KHDRBS2: variants seen among roughly 807,000 people sequenced by gnomAD.
The protein encoded by KHDRBS2 is KH domain-containing, RNA-binding, signal transduction-associated protein 2.
KHDRBS2 carries 26 observed loss-of-function variants against 44.3 expected under a neutral mutation model. The ratio of observed to expected loss-of-function variants is 0.59; its 90% CI spans 0.43 to 0.81. The LOEUF (loss-of-function observed/expected upper bound fraction) is 0.81. Ranked by LOEUF, KHDRBS2 falls within the 40% of genes least tolerant of loss-of-function variation. The pLI is 0.00. For missense variants in KHDRBS2, 476 were observed against 433.1 expected (o/e 1.10, Z -0.88); for synonymous variants, 194 against 151.1 (o/e 1.28, Z -2.08).
At chr6:61,750,024 T>A (rs1474370786) in intron 6 of KHDRBS2, among the ~76,000 whole-genome samples, 1 of 152,122 alleles carries the variant, frequency 6.6e-6, no homozygotes, top group African/African-American at 2.4e-5. Flanking sequence ...AAAATAATAA[T>A]GAGGAGTTAT....
chr6:61,699,265 C>A (rs1325125670), intron 7 of KHDRBS2, among the ~76,000 whole-genome samples: 2 of 151,914 alleles, frequency 1.3e-5, no homozygotes, highest in Non-Finnish European at 2.9e-5. Flanking sequence ...AAAAAAATAA[C>A]ATGCAAAAGA....
At chr6:62,253,979 A>G (rs1272234343) in intron 1 of KHDRBS2, among the ~76,000 whole-genome samples, 3 of 152,072 alleles carry the variant, frequency 2.0e-5, no homozygotes, top group Non-Finnish European at 2.9e-5. Context: ...GAATAACACA[A>G]GCAAGAATCC....
the KHDRBS2 span, among the ~76,000 whole-genome samples, chr6:61,622,001 A>C: frequency 1.3e-5 from 2 of 152,194 alleles, no homozygotes; most frequent in Non-Finnish European, 2.9e-5. Context: ...TCACAGCCTG[A>C]ATGAGCTTGG....
intron 3 of KHDRBS2, among the ~76,000 whole-genome samples, chr6:62,011,917 G>T (rs774724392): frequency 1.2e-4 from 19 of 152,244 alleles, no homozygotes; most frequent in Middle Eastern, 3.4e-3. Context: ...TTTAAGAGTA[G>T]CACAGATTTT....
the KHDRBS2 span, among the ~76,000 whole-genome samples, chr6:61,669,527 A>C: frequency 6.6e-6 from 1 of 151,058 alleles, no homozygotes; most frequent in African/African-American, 2.4e-5. Context: ...AAGGTGTTTA[A>C]ATGTTAAATA....
At chr6:62,175,455 G>A (rs776892087) in intron 2 of KHDRBS2, among the ~76,000 whole-genome samples, 2 of 151,484 alleles carry the variant, frequency 1.3e-5, no homozygotes, top group Non-Finnish European at 3.0e-5. Flanking sequence ...ATGGTTCACC[G>A]AAAATGAAGA....
At chr6:61,697,479 C>A (rs1407656263) in intron 7 of KHDRBS2, among the ~76,000 whole-genome samples, 1 of 151,812 alleles carries the variant, frequency 6.6e-6, no homozygotes, top group Non-Finnish European at 1.5e-5. Flanking sequence ...CTCTATCCAC[C>A]AATTTGATAA....
chr6:61,957,994 C>T (rs7742024), intron 4 of KHDRBS2, among the ~76,000 whole-genome samples: 1 of 152,038 alleles, frequency 6.6e-6, no homozygotes, highest in South Asian at 2.1e-4. Context: ...AGAAAAGAAC[C>T]TACATGAAAT....
rs1225325226 is a variant in KHDRBS2, at chr6:61,680,459, A to C, written c.*504T>G. 1 of 152,280 alleles carries C rather than the reference A, an allele frequency of 6.6e-6. No homozygotes were observed. Among genetic ancestry groups the C allele is most frequent in the Non-Finnish European group, 1.5e-5 (1 of 67,918 alleles). 9.4% of individuals were successfully genotyped at this position (152,280 alleles called of 1,614,324 possible). The stretch of plus-strand genomic sequence containing the variant: ...AAACAGCATTAAAATTAAATTTACA[A>C]ACTTAATATCAAACATCTTTGTCTA... On this transcript the variant is annotated 3_prime_UTR_variant, in exon 9 of 9. Coordinates refer to ENST00000281156, the MANE Select transcript of KHDRBS2 (RefSeq NM_152688.4).
At chr6:61,821,842 C>T (rs1789968763) in intron 6 of KHDRBS2, among the ~76,000 whole-genome samples, 2 of 151,882 alleles carry the variant, frequency 1.3e-5, no homozygotes, top group South Asian at 2.1e-4. Flanking sequence ...AGTAAGAATT[C>T]AACATAGTAC....
At chr6:61,942,991 GAAGA>G (rs759639632) in intron 4 of KHDRBS2, among the ~76,000 whole-genome samples, 88 of 131,998 alleles carry the variant, frequency 6.7e-4, no homozygotes, top group African/African-American at 1.5e-3. Flanking sequence ...GGGAGGTAGG[GAAGA>G]AAGAAAGAAA....
At chr6:61,848,558 T>TATGTATATATATATACATATATACAC (rs1562295171) in intron 6 of KHDRBS2, among the ~76,000 whole-genome samples, 2 of 37,316 alleles carry the variant, frequency 5.4e-5, no homozygotes, top group African/African-American at 2.3e-4. Flanking sequence ...TATACATATA[T>TATGTATATATATATACATATATACAC]ATATGTATAT....
intron 6 of KHDRBS2, among the ~76,000 whole-genome samples, chr6:61,854,371 T>G (rs1380420010): frequency 1.3e-5 from 2 of 152,124 alleles, no homozygotes; most frequent in Non-Finnish European, 2.9e-5. Context: ...TATTCAGTTA[T>G]TAAAATAACT....
intron 3 of KHDRBS2, among the ~76,000 whole-genome samples, chr6:62,011,560 C>A (rs1313348144): frequency 6.6e-6 from 1 of 152,100 alleles, no homozygotes; most frequent in Non-Finnish European, 1.5e-5. Flanking sequence ...TCCATATTAA[C>A]CTCAAGATTT....
At chr6:61,576,485 T>C in the KHDRBS2 span, among the ~76,000 whole-genome samples, 2 of 152,142 alleles carry the variant, frequency 1.3e-5, no homozygotes, top group Non-Finnish European at 2.9e-5. Flanking sequence ...TCTTTAGGCT[T>C]TTCTAAGTAT....
chr6:61,896,788 C>A (rs1420292758), intron 5 of KHDRBS2, among the ~76,000 whole-genome samples: 1 of 152,142 alleles, frequency 6.6e-6, no homozygotes, highest in South Asian at 2.1e-4. Context: ...GTTGAAAATG[C>A]TCTTGGCTGA....
At chr6:62,275,371 G>T (rs554453566) in intron 1 of KHDRBS2, among the ~76,000 whole-genome samples, 1 of 152,022 alleles carries the variant, frequency 6.6e-6, no homozygotes, top group East Asian at 1.9e-4. Flanking sequence ...TAAAAAAGTG[G>T]CTTCTACTTT....
At chr6:61,727,375 G>T (rs371119026) in intron 7 of KHDRBS2, among the ~76,000 whole-genome samples, 7 of 152,152 alleles carry the variant, frequency 4.6e-5, no homozygotes, top group African/African-American at 1.7e-4. Flanking sequence ...CACAGGCAAA[G>T]ATTTCATGCT....
chr6:61,771,414 T>C (rs1402858069), intron 6 of KHDRBS2, among the ~76,000 whole-genome samples: 5 of 152,166 alleles, frequency 3.3e-5, no homozygotes, highest in South Asian at 4.1e-4. Flanking sequence ...GAGTCAAGAC[T>C]CATCAGTGTG....
Sources: gnomAD v4.1 joint callset for allele counts (sites outside exome capture counted in the v4.1 genomes callset) on GRCh38, gnomAD v4.1.1 for gene constraint, MANE v1.5 for transcripts, NCBI Gene and HGNC (gene_info 2026-07-23, HGNC 2026-07-21) for gene names.